The following RELN variants were observed in gnomAD, a reference collection of about 807,000 sequenced individuals.
RELN encodes reelin.
In RELN, 108 loss-of-function variants were observed where a neutral mutation model predicts 427.6. That is an observed-to-expected ratio of 0.25 (90% confidence interval 0.22 to 0.30). The LOEUF (loss-of-function observed/expected upper bound fraction) is 0.30. Among genes scored for constraint, RELN ranks in the 10% least tolerant of loss-of-function variants. RELN has a pLI of 1.00. For synonymous variants in RELN, 1,524 were observed against 1,513.4 expected, an observed-to-expected ratio of 1.01 and a Z score of -0.16; for missense variants, 3,715 against 4,302.8, an observed-to-expected ratio of 0.86 and a Z score of 3.82.
intron 28 of RELN, among the ~76,000 whole-genome samples, chr7:103,583,315 C>A (rs1458624937): frequency 1.3e-5 from 2 of 152,100 alleles, no homozygotes; most frequent in Admixed American, 6.6e-5. Context: ...TCGTGTGAAC[C>A]AATTTCCCCT....
chr7:103,702,225 G>C (rs148240476), intron 8 of RELN, among the ~76,000 whole-genome samples: 1 of 152,160 alleles, frequency 6.6e-6, no homozygotes. Context: ...CAAACTGTGC[G>C]ACTGGAAATG....
At chr7:103,713,663 T>G (rs1249811898) in intron 8 of RELN, among the ~76,000 whole-genome samples, 1 of 143,714 alleles carries the variant, frequency 7.0e-6, no homozygotes, top group African/African-American at 2.7e-5. Flanking sequence ...ATTTATCCTT[T>G]TTTTTTTTTT....
chr7:103,738,509 A>G (rs1050744711), intron 6 of RELN, among the ~76,000 whole-genome samples: 3 of 151,832 alleles, frequency 2.0e-5, no homozygotes, highest in Non-Finnish European at 4.4e-5. Context: ...CATGATATAC[A>G]ACATAATCAT....
At chr7:103,492,051 A>G in intron 57 of RELN, 25 bp from the exon 58 acceptor site, 2 of 1,562,030 alleles carry the variant, frequency 1.3e-6, no homozygotes, top group Non-Finnish European at 8.8e-7. Context: ...AACAATCAAT[A>G]CACAGGTAAG....
chr7:103,745,838 T>TG (rs1461333983), intron 6 of RELN, among the ~76,000 whole-genome samples: 1 of 152,202 alleles, frequency 6.6e-6, no homozygotes, highest in Non-Finnish European at 1.5e-5. Context: ...ATGGCCATAC[T>TG]GCCCAAGGTA....
At chr7:103,963,590 T>G (rs1017406542) in intron 1 of RELN, among the ~76,000 whole-genome samples, 1 of 152,214 alleles carries the variant, frequency 6.6e-6, no homozygotes, top group Non-Finnish European at 1.5e-5. Flanking sequence ...AACTATATCT[T>G]TTTTAAAAAT....
chr7:103,521,987 G>A, intron 48 of RELN, 35 bp downstream of exon 48: 1 of 1,608,090 alleles, frequency 6.2e-7, no homozygotes, highest in Non-Finnish European at 8.5e-7. Context: ...AACTTAAGAA[G>A]AGCAGAAATG....
chr7:103,595,800 G>T (rs545046948), intron 25 of RELN, among the ~76,000 whole-genome samples: 6 of 151,696 alleles, frequency 4.0e-5, no homozygotes, highest in Non-Finnish European at 8.8e-5. Context: ...TATAAATACA[G>T]AATTTCAAAA....
intron 51 of RELN, 105 bp from the exon 52 acceptor site, chr7:103,503,335 C>T (rs1829099071): frequency 5.9e-6 from 5 of 853,526 alleles, no homozygotes; most frequent in Non-Finnish European, 9.8e-6. Context: ...ATACACTGTA[C>T]CACATCCATC....
At chr7:103,531,280 C>G (rs1829931892) in intron 46 of RELN, among the ~76,000 whole-genome samples, 1 of 152,076 alleles carries the variant, frequency 6.6e-6, no homozygotes, top group Non-Finnish European at 1.5e-5. Flanking sequence ...AAGGCAGAGC[C>G]CTCCACTCTA....
Position 103,515,497 on chromosome 7 carries a change from C to G in RELN, c.7863-56G>C, listed in dbSNP as rs2528862. On this transcript the variant is annotated intron_variant, in intron 49 of 64. Coordinates refer to ENST00000428762, the MANE Select transcript of RELN (RefSeq NM_005045.4). Reference sequence around the variant, plus strand: ...GAAGAACCCTTGTCAAATATCTTCTCTGAGTAAAAGATTTACAACCAGCCA... The same window carrying G: ...GAAGAACCCTTGTCAAATATCTTCTGTGAGTAAAAGATTTACAACCAGCCA... The G allele has an allele frequency of 0.36, 570,833 of 1,602,352 alleles. 115,486 individuals are homozygous for G. The highest frequency in any genetic ancestry group is 0.82 in the African/African-American group (61,073 of 74,756).
chr7:103,594,449 T>C lies in RELN; in HGVS notation c.3583A>G (p.Thr1195Ala), dbSNP rs1831492029. ...ACGGGCTGCCACCAGCGGAACCTGGTGCAAGGGGTCTTGGCAGCAGCTGGA... is the reference window on the plus strand; with the variant it reads ...ACGGGCTGCCACCAGCGGAACCTGGCGCAAGGGGTCTTGGCAGCAGCTGGA... Reference protein sequence around the residue: ...ELPAAAKTPCTRFRWWQPVFS... With the variant: ...ELPAAAKTPCARFRWWQPVFS... The change falls in exon 26 of 65, where the codon ACC (threonine) becomes GCC (alanine). Residue 1195 changes from threonine to alanine, a missense_variant. Thr to Ala is a moderately conservative substitution (Grantham distance 58). Coordinates refer to ENST00000428762, the MANE Select transcript of RELN (RefSeq NM_005045.4). The C allele has an allele frequency of 2.5e-6, 4 of 1,613,902 alleles. No individual in the cohort carries two copies. The highest frequency in any genetic ancestry group is 3.4e-6 in the Non-Finnish European group (4 of 1,179,942).
At chr7:103,487,187 C>G (rs1056195160) in intron 60 of RELN, among the ~76,000 whole-genome samples, 1 of 152,028 alleles carries the variant, frequency 6.6e-6, no homozygotes, top group African/African-American at 2.4e-5. Context: ...TGTTCTAATT[C>G]ATAGGTGGGA....
chr7:103,804,675 A>ATGTTATC (rs1394772813), intron 3 of RELN, among the ~76,000 whole-genome samples: 1 of 152,182 alleles, frequency 6.6e-6, no homozygotes, highest in Non-Finnish European at 1.5e-5. Context: ...AGATCTAATA[A>ATGTTATC]ACTAATGCAT....
intron 27 of RELN, among the ~76,000 whole-genome samples, chr7:103,593,115 T>C (rs1272759531): frequency 6.6e-6 from 1 of 152,204 alleles, no homozygotes; most frequent in African/African-American, 2.4e-5. Context: ...TGGGATTTTA[T>C]TATAAACACA....
At chr7:103,922,655 G>C (rs1044559502) in intron 1 of RELN, among the ~76,000 whole-genome samples, 2 of 152,094 alleles carry the variant, frequency 1.3e-5, no homozygotes, top group African/African-American at 2.4e-5. Flanking sequence ...ACTAATTACA[G>C]AGTCAGTTAT....
chr7:103,933,432 T>A (rs1241108308), intron 1 of RELN, among the ~76,000 whole-genome samples: 1 of 143,516 alleles, frequency 7.0e-6, no homozygotes, highest in Non-Finnish European at 1.5e-5. Flanking sequence ...TAGTCACTCA[T>A]GCCTGTAATG....
At chr7:103,776,108 AC>A (rs1429281891) in intron 4 of RELN, among the ~76,000 whole-genome samples, 1 of 152,206 alleles carries the variant, frequency 6.6e-6, no homozygotes, top group African/African-American at 2.4e-5. Context: ...GTCTAGCCAC[AC>A]AAGTCCGAAA....
chr7:103,977,601 A>G (rs1304168108), intron 1 of RELN, among the ~76,000 whole-genome samples: 1 of 152,170 alleles, frequency 6.6e-6, no homozygotes, highest in African/African-American at 2.4e-5. Context: ...CAAAATGAAA[A>G]GAAGTTGGAG....
Sources: gnomAD v4.1 joint callset for allele counts (sites outside exome capture counted in the v4.1 genomes callset) on GRCh38, gnomAD v4.1.1 for gene constraint, MANE v1.5 for transcripts, NCBI Gene and HGNC (gene_info 2026-07-23, HGNC 2026-07-21) for gene names.